Variants in N4BP2L2 observed in about 807,000 individuals in gnomAD.
The protein encoded by N4BP2L2 is NEDD4 binding protein 2 like 2, also known as NEDD4-binding protein 2-like 2.
N4BP2L2 carries 50 observed loss-of-function variants against 56.2 expected under a neutral mutation model. The observed-to-expected ratio is 0.89, with a 90% CI of 0.71 to 1.13. The LOEUF (loss-of-function observed/expected upper bound fraction) is 1.13. Among genes scored for constraint, N4BP2L2 ranks in the 50% most tolerant of loss-of-function variants. The pLI is 0.00. For missense variants in N4BP2L2, 689 were observed against 693.8 expected (o/e 0.99, Z 0.08); for synonymous variants, 203 against 223.6 (o/e 0.91, Z 0.82).
chr13:32,457,319 G>C lies in N4BP2L2; in HGVS notation c.366-13193C>G, dbSNP rs189679210. Among the ~76,000 whole-genome samples, 3 of 152,266 alleles carry C rather than the reference G, an allele frequency of 2.0e-5. No homozygotes were observed. In the East Asian group the frequency reaches 5.8e-4, roughly 29 times the overall value. ...TAAAGACACAGAAAACCTACTTAAT[G>C]AAATAGTAGCTGAAAATTTCTCATG... is the stretch of plus-strand genomic sequence containing the variant. On this transcript the variant is annotated intron_variant, in intron 6 of 9. Coordinates refer to the N4BP2L2 transcript ENST00000357505.
At chr13:32,513,529 T>C (rs1447682416) in exon 6 of N4BP2L2, 6 of 152,180 alleles carry the variant, frequency 3.9e-5, no homozygotes, top group African/African-American at 7.2e-5. Context: ...ATTAATCCCT[T>C]AATACAATCT....
chr13:32,520,781 T>A lies in N4BP2L2; in HGVS notation c.1550+592A>T, dbSNP rs77390003. On this transcript the variant is annotated intron_variant, in intron 5 of 5. Coordinates refer to ENST00000267068, the Ensembl canonical transcript of N4BP2L2. ...GGACTGAAAATAGAAGTTCACAATC[T>A]CTCACCACAATTACTGAAATCTGGT... 2.3e-3 allele frequency among the ~76,000 whole-genome samples: 354 copies of A among 152,230 alleles called. 2 individuals are homozygous for A. Among genetic ancestry groups the A allele is most frequent in the African/African-American group, 8.0e-3 (333 of 41,534 alleles).
At chr13:32,450,794 C>T (rs2077851980) in intron 6 of N4BP2L2, among the ~76,000 whole-genome samples, 2 of 151,780 alleles carry the variant, frequency 1.3e-5, no homozygotes, top group African/African-American at 2.4e-5. Context: ...ATGCCTGGCT[C>T]TTTTTCTTTC....
intron 6 of N4BP2L2, among the ~76,000 whole-genome samples, chr13:32,469,761 T>C (rs2081956111): frequency 6.6e-6 from 1 of 152,224 alleles, no homozygotes; most frequent in African/African-American, 2.4e-5. Flanking sequence ...TACCAGAGAC[T>C]GTCAGACGAT....
At chr13:32,501,431 C>CTTTT (rs34152087) in intron 6 of N4BP2L2, among the ~76,000 whole-genome samples, 1 of 149,882 alleles carries the variant, frequency 6.7e-6, no homozygotes, top group Non-Finnish European at 1.5e-5. Flanking sequence ...AAATAAAAAC[C>CTTTT]TTTTTTTTTT....
At chr13:32,473,140 G>A (rs2082635068) in intron 6 of N4BP2L2, among the ~76,000 whole-genome samples, 1 of 151,920 alleles carries the variant, frequency 6.6e-6, no homozygotes, top group African/African-American at 2.4e-5. Flanking sequence ...AAATTAGCTG[G>A]GCAAGGTAGT....
At chr13:32,465,662 G>A (rs1026015371) in intron 6 of N4BP2L2, among the ~76,000 whole-genome samples, 7 of 152,072 alleles carry the variant, frequency 4.6e-5, no homozygotes, top group African/African-American at 1.7e-4. Context: ...TTTTAGTTTT[G>A]TTTCTTTTTG....
chr13:32,495,839 A>G (rs1249714460), intron 6 of N4BP2L2, among the ~76,000 whole-genome samples: 1 of 152,208 alleles, frequency 6.6e-6, no homozygotes, highest in East Asian at 1.9e-4. Context: ...GTCTGCTACC[A>G]TGCCCAGGTA....
chr13:32,437,947 C>A (rs1013708465), intron 8 of N4BP2L2, among the ~76,000 whole-genome samples: 1 of 152,156 alleles, frequency 6.6e-6, no homozygotes, highest in Non-Finnish European at 1.5e-5. Flanking sequence ...GTATGTAGCA[C>A]TTCTCTCAAG....
chr13:32,516,696 T>TC (rs2049287546), exon 6 of N4BP2L2: 1 of 168,598 alleles, frequency 5.9e-6, no homozygotes, highest in Non-Finnish European at 1.2e-5. Context: ...GGGTTTTTTT[T>TC]CCCCTAAAAA....
chr13:32,438,368 T>C (rs897352294), intron 8 of N4BP2L2, among the ~76,000 whole-genome samples: 13 of 152,220 alleles, frequency 8.5e-5, no homozygotes, highest in Non-Finnish European at 1.6e-4. Context: ...TTCACTCATA[T>C]ATGAAATCTA....
intron 1 of N4BP2L2, among the ~76,000 whole-genome samples, 193 bp from the exon 2 acceptor site, chr13:32,537,220 A>C (rs2056770141): frequency 6.6e-6 from 1 of 151,968 alleles, no homozygotes; most frequent in African/African-American, 2.4e-5. Context: ...GGTTTATGGG[A>C]GGGATCTCGT....
intron 6 of N4BP2L2, among the ~76,000 whole-genome samples, chr13:32,482,901 G>T: frequency 6.6e-6 from 1 of 152,170 alleles, no homozygotes; most frequent in South Asian, 2.1e-4. Flanking sequence ...TTTTGCATTG[G>T]TATTTGATTC....
At chr13:32,436,816 GAAGAAAGA>G (rs369655778) in intron 8 of N4BP2L2, among the ~76,000 whole-genome samples, 6,401 of 128,664 alleles carry the variant, frequency 0.05, 679 homozygotes, top group African/African-American at 0.19. Flanking sequence ...AAAAAGAAAG[GAAGAAAGA>G]AAGAAAGAAA....
chr13:32,504,130 A>T (rs2090514185), intron 6 of N4BP2L2, among the ~76,000 whole-genome samples: 1 of 152,240 alleles, frequency 6.6e-6, no homozygotes, highest in African/African-American at 2.4e-5. Flanking sequence ...AACTTAAAAG[A>T]ACCACTGATT....
intron 7 of N4BP2L2, among the ~76,000 whole-genome samples, chr13:32,441,768 G>A: frequency 6.7e-6 from 1 of 149,856 alleles, no homozygotes; most frequent in Non-Finnish European, 1.5e-5. Context: ...GTTTGGCCGG[G>A]CGCGGTGGCT....
chr13:32,475,761 C>T (rs908616182), intron 6 of N4BP2L2, among the ~76,000 whole-genome samples: 3 of 152,118 alleles, frequency 2.0e-5, no homozygotes, highest in Non-Finnish European at 4.4e-5. Context: ...AAAGCCTTAC[C>T]GAGGATTCCC....
chr13:32,522,419 C>T (rs2051243511), intron 3 of N4BP2L2, 149 bp from the exon 4 acceptor site: 2 of 460,002 alleles, frequency 4.3e-6, no homozygotes, highest in African/African-American at 4.1e-5. Flanking sequence ...AAAAAAAGAA[C>T]TCCACTAGAT....
intron 6 of N4BP2L2, among the ~76,000 whole-genome samples, chr13:32,479,336 G>A (rs1391262660): frequency 2.0e-5 from 3 of 151,468 alleles, no homozygotes; most frequent in Non-Finnish European, 2.9e-5. Flanking sequence ...GCATGATCTC[G>A]GCTCACTGCA....
Sources: gnomAD v4.1 joint callset for allele counts (sites outside exome capture counted in the v4.1 genomes callset) on GRCh38, gnomAD v4.1.1 for gene constraint, MANE v1.5 for transcripts, NCBI Gene and HGNC (gene_info 2026-07-23, HGNC 2026-07-21) for gene names.